Variants in LTBP1 observed in about 807,000 individuals in gnomAD.
LTBP1 encodes the protein latent transforming growth factor beta binding protein 1.
Under a neutral mutation model 207.6 loss-of-function variants are expected in LTBP1, and 129 were observed. The observed-to-expected ratio is 0.62, with a 90% CI of 0.54 to 0.72. The LOEUF is 0.72. LTBP1 is among the 30% of genes least tolerant of loss of function. The pLI, the probability that LTBP1 is intolerant of heterozygous loss-of-function variation, is 0.00. For missense variants in LTBP1, 2,281 were observed against 2,217.2 expected (o/e 1.03, Z -0.58); for synonymous variants, 963 against 833.7 (o/e 1.16, Z -2.67).
intron 5 of LTBP1, among the ~76,000 whole-genome samples, chr2:33,136,630 C>T (rs985784324): frequency 2.0e-5 from 3 of 152,128 alleles, no homozygotes; most frequent in Admixed American, 6.6e-5. Context: ...TCCTTTCCCT[C>T]CTTGTGTTTA....
At chr2:33,080,923 T>C (rs2149866530) in intron 3 of LTBP1, among the ~76,000 whole-genome samples, 1 of 152,342 alleles carries the variant, frequency 6.6e-6, no homozygotes, top group Admixed American at 6.5e-5. Flanking sequence ...GCATCTATAA[T>C]AAAAGACAGG....
chr2:33,355,778 C>A (rs891337262), intron 26 of LTBP1, among the ~76,000 whole-genome samples: 1 of 152,178 alleles, frequency 6.6e-6, no homozygotes, highest in Non-Finnish European at 1.5e-5. Flanking sequence ...CTCCACCAGG[C>A]AGCCTTCCCT....
chr2:33,175,465 C>T (rs1453040780), intron 5 of LTBP1, among the ~76,000 whole-genome samples: 1 of 152,060 alleles, frequency 6.6e-6, no homozygotes, highest in East Asian at 1.9e-4. Context: ...TACCATCTCA[C>T]ACCAGTTAGA....
At chr2:33,240,566 C>G (rs974395572) in intron 9 of LTBP1, among the ~76,000 whole-genome samples, 1 of 151,582 alleles carries the variant, frequency 6.6e-6, no homozygotes, top group Non-Finnish European at 1.5e-5. Flanking sequence ...TTTCTGAAGT[C>G]CTATGTTAAA....
chr2:33,016,742 G>C, intron 2 of LTBP1, among the ~76,000 whole-genome samples: 1 of 152,348 alleles, frequency 6.6e-6, no homozygotes, highest in South Asian at 2.1e-4. Flanking sequence ...CTTCTGGCTG[G>C]CTGGGGGCAG....
chr2:33,215,737 A>G (rs570570921), intron 7 of LTBP1, among the ~76,000 whole-genome samples: 1 of 86,990 alleles, frequency 1.1e-5, no homozygotes, highest in Non-Finnish European at 2.3e-5. Context: ...TTTTTTTTTG[A>G]GATAGAGTCT....
intron 11 of LTBP1, among the ~76,000 whole-genome samples, chr2:33,256,746 A>G (rs1481803327): frequency 1.5e-5 from 1 of 66,570 alleles, no homozygotes; most frequent in Non-Finnish European, 3.0e-5. Context: ...ATATATATAT[A>G]TATATATATA....
At chr2:33,288,526 C>T (rs142807891) in intron 19 of LTBP1, among the ~76,000 whole-genome samples, 21 of 152,194 alleles carry the variant, frequency 1.4e-4, no homozygotes, top group East Asian at 9.7e-4. Context: ...CCAGAGGATA[C>T]GGAGAGAGTA....
Position 33,021,053 on chromosome 2 carries a change from G to C in LTBP1, c.710G>C (p.Gly237Ala). ...SSPVFGGQSP[G>A]AASSWGPPEQ... ...CCAGTCTTTGGAGGGCAGAGTCCTG[G>C]GGCTGCTTCCTCGTGGGGCCCTCCT... Residue 237 changes from glycine to alanine, a missense_variant, in exon 3 of 34, where the codon GGG (glycine) becomes GCG (alanine). Around this residue, in one of 3 missense-constraint regions of LTBP1, gnomAD observed 555 missense variants for 491.0 expected, o/e 1.13. Coordinates refer to ENST00000404816, the MANE Select transcript of LTBP1 (RefSeq NM_206943.4). 1 of 1,614,018 alleles carries C rather than the reference G, an allele frequency of 6.2e-7. No individual in the cohort carries two copies. The highest frequency in any genetic ancestry group is 2.2e-5 in the East Asian group (1 of 44,866).
intron 7 of LTBP1, among the ~76,000 whole-genome samples, chr2:33,215,716 G>GTT (rs1287189048): frequency 0.038 from 5,237 of 138,884 alleles, 403 homozygotes; most frequent in African/African-American, 0.12. Context: ...GTTTTCTTTT[G>GTT]TTTTTTGTTT....
intron 24 of LTBP1, among the ~76,000 whole-genome samples, chr2:33,330,707 T>A (rs148360883): frequency 1.3e-3 from 198 of 151,806 alleles, no homozygotes; most frequent in African/African-American, 4.6e-3. Context: ...CAGTCTAAGC[T>A]TCAGTAATCT....
At chr2:33,105,047 C>T (rs1161753274) in intron 3 of LTBP1, among the ~76,000 whole-genome samples, 1 of 152,148 alleles carries the variant, frequency 6.6e-6, no homozygotes, top group Non-Finnish European at 1.5e-5. Context: ...ATTATGGCCC[C>T]TTCTCGATTT....
At chr2:33,011,070 A>T (rs958371627) in intron 2 of LTBP1, among the ~76,000 whole-genome samples, 3 of 152,068 alleles carry the variant, frequency 2.0e-5, no homozygotes, top group Non-Finnish European at 4.4e-5. Flanking sequence ...TTTTACCACT[A>T]TATTGGTTGT....
intron 5 of LTBP1, among the ~76,000 whole-genome samples, chr2:33,137,340 C>T (rs1339230635): frequency 6.6e-6 from 1 of 152,188 alleles, no homozygotes; most frequent in Non-Finnish European, 1.5e-5. Context: ...AATTTACTGT[C>T]ACTTGTCAGC....
rs746440964 is a variant in LTBP1, at chr2:33,361,453, A to G, written c.4208A>G (p.Lys1403Arg). 4 of 1,611,932 alleles carry G rather than the reference A, an allele frequency of 2.5e-6. No homozygotes were observed. Among genetic ancestry groups the G allele is most frequent in the Non-Finnish European group, 3.4e-6 (4 of 1,178,800 alleles). The change falls in exon 28 of 34, where the codon AAA (lysine) becomes AGA (arginine). Residue 1403 changes from lysine to arginine, a missense_variant. Lys to Arg is a conservative substitution (Grantham distance 26). This residue lies in a region of LTBP1 where 1,671 missense variants were observed against 1,634.8 expected (regional missense o/e 1.02). Transcript: ENST00000404816. ...GCTGAGTTCACTGAAATGTGTCCCA[A>G]AGGGAAAGGTTTTGTGCCTGCTGGA... ...GTAEFTEMCP[K>R]GKGFVPAGES...
At chr2:33,398,315 A>C in intron 33 of LTBP1, 49 bp from the exon 34 acceptor site, 15 of 1,567,772 alleles carry the variant, frequency 9.6e-6, no homozygotes, top group Non-Finnish European at 1.3e-5. Flanking sequence ...ATGTGTCCTC[A>C]CAGAATAATA....
chr2:33,087,651 A>G (rs1422239353), intron 3 of LTBP1, among the ~76,000 whole-genome samples: 1 of 152,220 alleles, frequency 6.6e-6, no homozygotes, highest in Non-Finnish European at 1.5e-5. Context: ...TGGAAGAAAC[A>G]GAATGTAAAT....
At chr2:33,034,770 G>T (rs1387099291) in intron 3 of LTBP1, among the ~76,000 whole-genome samples, 11 of 152,004 alleles carry the variant, frequency 7.2e-5, no homozygotes, top group Non-Finnish European at 1.5e-5. Flanking sequence ...TTGAGGGGCT[G>T]ACATTTCCTC....
intron 2 of LTBP1, among the ~76,000 whole-genome samples, chr2:32,963,571 G>T (rs559276527): frequency 6.6e-6 from 1 of 152,224 alleles, no homozygotes; most frequent in African/African-American, 2.4e-5. Flanking sequence ...AAAGAAACCA[G>T]TTTTCATTCA....
Sources: gnomAD v4.1 joint callset for allele counts (sites outside exome capture counted in the v4.1 genomes callset) on GRCh38, gnomAD v4.1.1 for gene constraint, gnomAD v4.1.1 regional missense constraint, MANE v1.5 for transcripts, NCBI Gene and HGNC (gene_info 2026-07-23, HGNC 2026-07-21) for gene names.